CASZ1: variants seen among roughly 807,000 people sequenced by gnomAD.
CASZ1 encodes castor zinc finger 1, also known as zinc finger protein castor homolog 1.
In CASZ1, 28 loss-of-function variants were observed where a neutral mutation model predicts 135.2. The observed-to-expected ratio is 0.21, with a 90% confidence interval of 0.15 to 0.28. CASZ1 has a LOEUF of 0.28. CASZ1 is among the 10% of genes least tolerant of loss of function. CASZ1 has a pLI of 1.00. For missense variants in CASZ1, 2,161 were observed against 2,453.3 expected (o/e 0.88, Z 2.52); for synonymous variants, 1,068 against 1,073.4 (o/e 0.99, Z 0.10).
At chr1:10,698,465 C>T (rs1638987524) in intron 3 of CASZ1, among the ~76,000 whole-genome samples, 2 of 152,224 alleles carry the variant, frequency 1.3e-5, no homozygotes, top group Admixed American at 1.3e-4. Context: ...ATTTCTAAAG[C>T]CTATCAGAGA....
At chr1:10,738,208 C>G (rs1639837947) in intron 2 of CASZ1, among the ~76,000 whole-genome samples, 1 of 152,064 alleles carries the variant, frequency 6.6e-6, no homozygotes, top group African/African-American at 2.4e-5. Flanking sequence ...CTTCAGCTAC[C>G]TCTAAAGAGG....
chr1:10,677,576 G>T (rs1216112584), intron 4 of CASZ1, among the ~76,000 whole-genome samples: 2 of 152,188 alleles, frequency 1.3e-5, no homozygotes, highest in African/African-American at 2.4e-5. Flanking sequence ...CAGGGTGGAG[G>T]CTGTCCTAGG....
intron 3 of CASZ1, among the ~76,000 whole-genome samples, chr1:10,705,130 G>A (rs904193828): frequency 3.3e-5 from 5 of 152,214 alleles, no homozygotes; most frequent in African/African-American, 4.8e-5. Context: ...GCCGGCCACC[G>A]CCACGGAGGC....
rs543136449 is a variant in CASZ1, at chr1:10,658,714, G to A, written c.1341-138C>T. ...GCAGTGTCCGAGGCACCCACGGTGG[G>A]ACTGAGGACATCCCTGGCAGAAGCT... On this transcript the variant is annotated intron_variant, in intron 6 of 20. Transcript: ENST00000377022. 19 of 720,438 alleles carry A rather than the reference G, an allele frequency of 2.6e-5. No homozygotes were observed. The African/African-American group carries it at 3.3e-4, about 13-fold the overall frequency. The allele number at this position is 720,438 out of a possible 1,614,324, so 44.6% of individuals were successfully genotyped here.
chr1:10,700,898 T>C lies in CASZ1; in HGVS notation c.-24+4594A>G, dbSNP rs1334400424. 1.3e-5 allele frequency among the ~76,000 whole-genome samples: 2 copies of C among 152,184 alleles called. No individual in the cohort carries two copies. The highest frequency in any genetic ancestry group is 4.8e-5 in the African/African-American group (2 of 41,440). The stretch of plus-strand genomic sequence containing the variant: ...GTACATTTTAAAAAGGTGAATTTTA[T>C]GGTATATGAATGATATCTCAATAAA... On this transcript the variant is annotated intron_variant, in intron 3 of 20. Coordinates refer to ENST00000377022, the MANE Select transcript of CASZ1 (RefSeq NM_001079843.3). The surrounding 1 kb of genome is among the most constrained non-coding windows in gnomAD (Gnocchi z 4.2).
At chr1:10,641,341 C>A (rs1259995515) in intron 20 of CASZ1, among the ~76,000 whole-genome samples, 5 of 152,226 alleles carry the variant, frequency 3.3e-5, no homozygotes, top group African/African-American at 4.8e-5. Context: ...GAGGCTCGGC[C>A]CTGCCCTGGC....
chr1:10,642,756 C>A, intron 20 of CASZ1, 103 bp downstream of exon 20: 1 of 1,343,134 alleles, frequency 7.4e-7, no homozygotes. Flanking sequence ...CTGTCCTCCT[C>A]GGAGGCCGCG....
At chr1:10,764,838 C>T (rs1375129783) in intron 1 of CASZ1, among the ~76,000 whole-genome samples, 3 of 152,144 alleles carry the variant, frequency 2.0e-5, no homozygotes, top group African/African-American at 7.2e-5. Context: ...GGGGGGAAAG[C>T]GAGGCCCATG....
At chr1:10,655,368 A>C (rs991659959) in intron 9 of CASZ1, among the ~76,000 whole-genome samples, 10 of 152,260 alleles carry the variant, frequency 6.6e-5, no homozygotes, top group African/African-American at 2.4e-4. Context: ...TAAAGCCTGA[A>C]AAATGTCCAT....
At chr1:10,789,110 G>A (rs539918465) in intron 1 of CASZ1, among the ~76,000 whole-genome samples, 2 of 152,276 alleles carry the variant, frequency 1.3e-5, no homozygotes, top group South Asian at 2.1e-4. Flanking sequence ...GAGCCAAGCT[G>A]TTTGGGGACA....
At position 10,715,929 on chromosome 1, in the gene CASZ1, G is replaced by A. The variant is rs867638921; in HGVS notation, c.-76-10385C>T. The stretch of plus-strand genomic sequence containing the variant: ...ATCCTCTCCCCACAGCACCCAATCC[G>A]CTTCCCACAGCACCCAATCCACACC... On this transcript the variant is annotated intron_variant, in intron 2 of 20. Transcript: ENST00000377022. Among the ~76,000 whole-genome samples, 177 of 89,402 alleles carry A rather than the reference G, an allele frequency of 2.0e-3. 6 individuals carry two copies. The highest frequency in any genetic ancestry group is 0.011 in the Middle Eastern group (1 of 88). 58.7% of individuals were successfully genotyped at this position (89,402 alleles called of 152,430 possible). A position where few individuals can be genotyped will look rare whatever the true frequency, so the allele number is the denominator to read the frequency against.
intron 1 of CASZ1, among the ~76,000 whole-genome samples, chr1:10,771,316 TTTATTA>T (rs955808632): frequency 5.3e-5 from 8 of 151,772 alleles, no homozygotes; most frequent in Non-Finnish European, 1.2e-4. Context: ...CTTAGAAGTT[TTTATTA>T]TTATTATTAT....
intron 4 of CASZ1, among the ~76,000 whole-genome samples, chr1:10,671,522 G>T (rs1210511400): frequency 6.6e-6 from 1 of 152,204 alleles, no homozygotes; most frequent in Non-Finnish European, 1.5e-5. Context: ...GACTCTCAGT[G>T]CCTGAGCTGC....
intron 4 of CASZ1, among the ~76,000 whole-genome samples, chr1:10,689,409 G>A (rs1486044158): frequency 6.6e-6 from 1 of 152,236 alleles, no homozygotes; most frequent in African/African-American, 2.4e-5. Flanking sequence ...CTGGGGCTGT[G>A]GGGGCTGGGG....
rs1316550554 is a variant in CASZ1 at position 10,657,301 on chromosome 1, C to G, written c.1410-565G>C. Reference sequence around the variant, plus strand: ...AACCTGTGCTGCCTCCCAGGAAACCCGTCCTCCTCCAGGCCCCAGGGCCGC... The same window carrying G: ...AACCTGTGCTGCCTCCCAGGAAACCGGTCCTCCTCCAGGCCCCAGGGCCGC... On this transcript the variant is annotated intron_variant, in intron 7 of 20. Transcript: ENST00000377022. The surrounding 1 kb of genome is among the most constrained non-coding windows in gnomAD (Gnocchi z 5.7). Among the ~76,000 whole-genome samples the G allele has an allele frequency of 6.6e-6, 1 of 152,222 alleles. No homozygotes were observed. The highest frequency in any genetic ancestry group is 1.5e-5 in the Non-Finnish European group (1 of 68,040).
intron 1 of CASZ1, among the ~76,000 whole-genome samples, chr1:10,763,760 C>T (rs532884797): frequency 3.0e-4 from 45 of 152,328 alleles, no homozygotes; most frequent in Admixed American, 1.4e-3. Flanking sequence ...CCGTGGGCAG[C>T]GAAGGTGTCG....
In CASZ1 at chr1:10,757,565, A is replaced by C. The variant is rs1263455340; in HGVS notation, c.-77+3136T>G. On this transcript the variant is annotated intron_variant, in intron 2 of 20. Transcript: ENST00000377022. The surrounding 1 kb of genome is among the most constrained non-coding windows in gnomAD (Gnocchi z 4.6). ...CACCTTGGGGGGCTGAGGTGGGTGG[A>C]TCACTTGAGGTTAGGAGTTTGAGAC... 1.3e-5 allele frequency among the ~76,000 whole-genome samples: 2 copies of C among 152,122 alleles called. No homozygotes were observed. Among genetic ancestry groups the C allele is most frequent in the Non-Finnish European group, 2.9e-5 (2 of 68,024 alleles).
chr1:10,749,307 G>C (rs1253344647), intron 2 of CASZ1, among the ~76,000 whole-genome samples: 1 of 151,770 alleles, frequency 6.6e-6, no homozygotes, highest in East Asian at 1.9e-4. Context: ...GAGTGCAGTG[G>C]TGCAACCTCA....
At chr1:10,650,477 G>A (rs1350193028) in intron 13 of CASZ1, 6 of 495,332 alleles carry the variant, frequency 1.2e-5, no homozygotes, top group Non-Finnish European at 2.1e-5. Flanking sequence ...AGGTGTCAGA[G>A]GCTGGAATAT....
Sources: gnomAD v4.1 joint callset for allele counts (sites outside exome capture counted in the v4.1 genomes callset) on GRCh38, gnomAD v4.1.1 for gene constraint, Gnocchi (gnomAD v3.1) non-coding constraint, MANE v1.5 for transcripts, NCBI Gene and HGNC (gene_info 2026-07-23, HGNC 2026-07-21) for gene names.